Variants in CRNKL1 observed in about 807,000 individuals in gnomAD.
CRNKL1 encodes the protein crooked neck-like protein 1.
Under a neutral mutation model 103.7 loss-of-function variants are expected in CRNKL1, and 35 were observed. The ratio of observed to expected loss-of-function variants is 0.34; its 90% CI spans 0.26 to 0.45. CRNKL1 has a LOEUF of 0.45. Among genes scored for constraint, CRNKL1 ranks in the 20% least tolerant of loss-of-function variants. CRNKL1 has a pLI of 1.00. For synonymous variants in CRNKL1, 267 were observed against 282.6 expected (o/e 0.94, Z 0.55); for missense variants, 645 against 836.0 (o/e 0.77, Z 2.82).
upstream of CRNKL1, chr20:20,052,803 C>A (rs1426775599): frequency 7.3e-7 from 1 of 1,374,310 alleles, no homozygotes; most frequent in Admixed American, 2.6e-5. Context: ...CTACCATTCC[C>A]AGCATGCGAC....
chr20:20,043,951 C>T (rs991814654), intron 6 of CRNKL1, among the ~76,000 whole-genome samples: 1 of 152,190 alleles, frequency 6.6e-6, no homozygotes, highest in Non-Finnish European at 1.5e-5. Flanking sequence ...CCCACTCAAA[C>T]TGGGACTCTC....
Position 20,042,350 on chromosome 20 carries a change from G to A in CRNKL1, c.1139C>T (p.Ala380Val), listed in dbSNP as rs2043527253. The A allele has an allele frequency of 6.2e-7, 1 of 1,613,134 alleles. No individual in the cohort carries two copies. Among genetic ancestry groups the A allele is most frequent in the Non-Finnish European group, 8.5e-7 (1 of 1,179,704 alleles). ...CTTTGCCTCCAATTCTTCATAGAGT[G>A]CATAGTTGATCCAAAGATAAATGTA... ...KRYIYLWINYALYEELEAKDP... is the reference protein window; with the variant it reads ...KRYIYLWINYVLYEELEAKDP... The change falls in exon 8 of 14, where the codon GCA becomes GTA. Residue 380 changes from alanine to valine, a missense_variant. By Grantham distance (64) the Ala-to-Val change is moderately conservative (BLOSUM62 0). This residue lies in a region of CRNKL1 where 582 missense variants were observed against 707.7 expected (regional missense o/e 0.82). Coordinates refer to ENST00000536226, the MANE Select transcript of CRNKL1 (RefSeq NM_001278628.2).
At chr20:20,040,267 G>A (rs576400493) in intron 10 of CRNKL1, among the ~76,000 whole-genome samples, 84 of 150,184 alleles carry the variant, frequency 5.6e-4, no homozygotes, top group African/African-American at 2.1e-3. Context: ...AGCCAAGATC[G>A]CGCTACTGCA....
intron 13 of CRNKL1, 51 bp from the exon 14 acceptor site, chr20:20,036,413 A>G (rs1449402692): frequency 1.3e-6 from 2 of 1,545,932 alleles, no homozygotes; most frequent in Non-Finnish European, 1.8e-6. Context: ...ATATACTCAC[A>G]TATCAGAGTG....
upstream of CRNKL1, among the ~76,000 whole-genome samples, chr20:20,053,880 T>A (rs2043999573): frequency 6.6e-6 from 1 of 152,194 alleles, no homozygotes; most frequent in Admixed American, 6.5e-5. Flanking sequence ...AATGAATCAT[T>A]GGTTTAATCA....
intron 13 of CRNKL1, 65 bp from the exon 14 acceptor site, chr20:20,036,427 A>T: frequency 6.8e-7 from 1 of 1,470,110 alleles, no homozygotes; most frequent in Admixed American, 1.8e-5. Flanking sequence ...CAGAGTGAAG[A>T]ATTTTTACTG....
intron 1 of CRNKL1, 22 bp downstream of exon 1, chr20:20,052,270 A>C: frequency 6.3e-7 from 1 of 1,595,228 alleles, no homozygotes. Context: ...CACCTCCTAC[A>C]AGGCCCCTCG....
At chr20:20,039,914 T>C in intron 10 of CRNKL1, 66 bp from the exon 11 acceptor site, 1 of 1,511,142 alleles carries the variant, frequency 6.6e-7, no homozygotes, top group Non-Finnish European at 9.0e-7. Context: ...GTTATTGCAC[T>C]GCCCTAGAGG....
intron 1 of CRNKL1, 67 bp from the exon 2 acceptor site, chr20:20,050,689 T>C (rs1234607794): frequency 1.4e-6 from 2 of 1,432,106 alleles, no homozygotes; most frequent in Non-Finnish European, 1.9e-6. Context: ...GAAACAAACA[T>C]ACATTTTTTA....
rs781746515 is a variant in CRNKL1 at position 20,052,140 on chromosome 20, C to A, written c.51+152G>T. The A allele has an allele frequency of 1.5e-4, 110 of 729,450 alleles. No individual in the cohort carries two copies. The Middle Eastern group carries it at 1.6e-3, about 11-fold the overall frequency. The allele number at this position is 729,450 out of a possible 1,614,324, so 45.2% of individuals were successfully genotyped here. A position where few individuals can be genotyped will look rare whatever the true frequency, so the allele number is the denominator to read the frequency against. ...GGGTCGTGCTCCGCGATGACAAGAG[C>A]CCGCGCCCCACCACCAGCTGCCCTT... On this transcript the variant is annotated intron_variant, in intron 1 of 13. Coordinates refer to ENST00000536226, the MANE Select transcript of CRNKL1 (RefSeq NM_001278628.2).
At chr20:20,052,223 G>A (rs2043773124) in intron 1 of CRNKL1, 69 bp downstream of exon 1, 2 of 1,367,380 alleles carry the variant, frequency 1.5e-6, no homozygotes, top group South Asian at 1.3e-5. Context: ...TCCCAACCCG[G>A]GCACCCTCAG....
chr20:20,049,854 G>T (rs1382809096), intron 2 of CRNKL1, among the ~76,000 whole-genome samples: 2 of 148,434 alleles, frequency 1.3e-5, no homozygotes, highest in African/African-American at 5.0e-5. Flanking sequence ...GTCTTGCTCT[G>T]TCGCCCAGGC....
Position 20,035,442 on chromosome 20 carries a change from A to G in CRNKL1, c.*753T>C, listed in dbSNP as rs750722170. 2.6e-5 allele frequency: 4 copies of G among 152,200 alleles called. No homozygotes were observed. Among genetic ancestry groups the G allele is most frequent in the Non-Finnish European group, 5.9e-5 (4 of 68,028 alleles). The allele number at this position is 152,200 out of a possible 1,614,324, so 9.4% of individuals were successfully genotyped here. The stretch of plus-strand genomic sequence containing the variant: ...CTTTAAACAAGGTATTACAAACTCA[A>G]CCACTCTGGAGAACTGATGAGCGCC... On this transcript the variant is annotated 3_prime_UTR_variant, in exon 14 of 14. Transcript: ENST00000536226.
chr20:20,034,685 C>T lies in CRNKL1; in HGVS notation c.*1510G>A, dbSNP rs1425218418. On this transcript the variant is annotated 3_prime_UTR_variant, in exon 14 of 14. Transcript: ENST00000536226. ...CTCACTCACTAGGCAGACCTCTACT[C>T]GAGAAGTGATCTGACACCGCAGTAG... is the stretch of plus-strand genomic sequence containing the variant. 2 of 152,210 alleles carry T rather than the reference C, an allele frequency of 1.3e-5. No homozygotes were observed. The highest frequency in any genetic ancestry group is 2.9e-5 in the Non-Finnish European group (2 of 68,044). The allele number at this position is 152,210 out of a possible 1,614,324, so 9.4% of individuals were successfully genotyped here.
At chr20:20,052,603 C>T, upstream of CRNKL1, 1 of 1,613,780 alleles carries the variant, frequency 6.2e-7, no homozygotes, top group South Asian at 1.1e-5. Flanking sequence ...TGGGTAACGC[C>T]GTGCTGACTA....
At chr20:20,042,764 ACT>A (rs1366309338) in intron 7 of CRNKL1, among the ~76,000 whole-genome samples, 1 of 152,202 alleles carries the variant, frequency 6.6e-6, no homozygotes, top group East Asian at 1.9e-4. Context: ...TATAGCCATC[ACT>A]CTCACGACAG....
chr20:20,050,691 C>A (rs1299669572), intron 1 of CRNKL1, 69 bp from the exon 2 acceptor site: 9 of 1,415,898 alleles, frequency 6.4e-6, no homozygotes, highest in Non-Finnish European at 8.6e-6. Flanking sequence ...AACAAACATA[C>A]ATTTTTTAGG....
At chr20:20,054,956 A>G (rs963819677), upstream of CRNKL1, among the ~76,000 whole-genome samples, 1 of 152,166 alleles carries the variant, frequency 6.6e-6, no homozygotes, top group East Asian at 1.9e-4. Context: ...TGGAATTCCC[A>G]TAAGACAGAT....
chr20:20,047,661 C>T, intron 5 of CRNKL1, 104 bp downstream of exon 5: 4 of 1,129,948 alleles, frequency 3.5e-6, no homozygotes, highest in Non-Finnish European at 4.8e-6. Flanking sequence ...TGACTTTGAG[C>T]CTGACATTAA....
Sources: gnomAD v4.1 joint callset for allele counts (sites outside exome capture counted in the v4.1 genomes callset) on GRCh38, gnomAD v4.1.1 for gene constraint, gnomAD v4.1.1 regional missense constraint, MANE v1.5 for transcripts, NCBI Gene and HGNC (gene_info 2026-07-23, HGNC 2026-07-21) for gene names.